PDS5B: variants seen among roughly 807,000 people sequenced by gnomAD.
The protein encoded by PDS5B is sister chromatid cohesion protein PDS5 homolog B.
Under a neutral mutation model 184.1 loss-of-function variants are expected in PDS5B, and 51 were observed. That is an observed-to-expected ratio of 0.28 (90% CI 0.22 to 0.35). The LOEUF is 0.35. Among genes scored for constraint, PDS5B ranks in the 10% least tolerant of loss-of-function variants. PDS5B has a pLI of 1.00. For synonymous variants in PDS5B, 566 were observed against 569.2 expected, an observed-to-expected ratio of 0.99 and a Z score of 0.08; for missense variants, 1,180 against 1,723.3, an observed-to-expected ratio of 0.68 and a Z score of 5.58.
chr13:32,770,305 T>C lies in PDS5B; in HGVS notation c.3809T>C (p.Leu1270Pro), dbSNP rs201437175. Reference sequence around the variant, plus strand: ...CAGCAGTGGCCTGAGGAAAAGAGGCTCAAAGAAGATATATTAGAAAATGAA... The same window carrying C: ...CAGCAGTGGCCTGAGGAAAAGAGGCCCAAAGAAGATATATTAGAAAATGAA... ...DEQQWPEEKR[L>P]KEDILENEDE... Residue 1270 changes from leucine to proline, a missense_variant, in exon 32 of 35, where the codon CTC becomes CCC. Leu to Pro is a moderately conservative substitution (Grantham distance 98). Coordinates refer to ENST00000315596, the MANE Select transcript of PDS5B (RefSeq NM_015032.4). 1.9e-5 allele frequency: 31 copies of C among 1,612,912 alleles called. No individual in the cohort carries two copies. The highest frequency in any genetic ancestry group is 3.3e-5 in the Admixed American group (2 of 59,880).
chr13:32,741,228 A>G, intron 22 of PDS5B, 80 bp downstream of exon 22: 4 of 790,612 alleles, frequency 5.1e-6, no homozygotes, highest in African/African-American at 1.8e-5. Context: ...TTCTATTTCT[A>G]TTGGAAAGAT....
intron 9 of PDS5B, among the ~76,000 whole-genome samples, chr13:32,677,846 G>C (rs530259480): frequency 6.6e-6 from 1 of 151,924 alleles, no homozygotes. Context: ...GAAAAATCTT[G>C]GATTCACTTT....
intron 19 of PDS5B, among the ~76,000 whole-genome samples, chr13:32,728,681 G>A (rs7325016): frequency 0.44 from 67,076 of 151,860 alleles, 15,213 homozygotes; most frequent in African/African-American, 0.49. Flanking sequence ...ACTTCCATGC[G>A]ATAAGCTGGG....
chr13:32,614,799 G>A (rs2058194322), intron 1 of PDS5B, among the ~76,000 whole-genome samples: 1 of 152,184 alleles, frequency 6.6e-6, no homozygotes, highest in South Asian at 2.1e-4. Flanking sequence ...GACTCCAAAT[G>A]TCAGGTTCTT....
At chr13:32,730,254 G>T (rs544071112) in intron 19 of PDS5B, among the ~76,000 whole-genome samples, 28 of 152,284 alleles carry the variant, frequency 1.8e-4, no homozygotes, top group African/African-American at 6.0e-4. Flanking sequence ...TCAGATGGTT[G>T]TAGATGTGTA....
chr13:32,699,912 C>T (rs369053967), intron 16 of PDS5B, 43 bp downstream of exon 16: 4 of 1,498,392 alleles, frequency 2.7e-6, no homozygotes, highest in South Asian at 1.4e-5. Context: ...GCCCCCAAAT[C>T]TTCTTTATTG....
In PDS5B at chr13:32,753,509, T is replaced by C; in HGVS notation, c.2914T>C (p.Tyr972His). ...GAAAAATATAAATGTAAGGCGGGAGTATCTGAAGCAGCATGCAGCTGTTAG... is the reference window on the plus strand; with the variant it reads ...GAAAAATATAAATGTAAGGCGGGAGCATCTGAAGCAGCATGCAGCTGTTAG... ...LVKNINVRRE[Y>H]LKQHAAVSEK... Residue 972 changes from tyrosine (Y) to histidine (H), a missense_variant, in exon 25 of 35, where the codon TAT becomes CAT. Physicochemically the swap from Tyr to His is moderately conservative, Grantham distance 83. This residue lies in a region of PDS5B where 57 missense variants were observed against 80.9 expected (regional missense o/e 0.70). Coordinates refer to ENST00000315596, the MANE Select transcript of PDS5B (RefSeq NM_015032.4). 6.2e-7 allele frequency: 1 copy of C among 1,613,252 alleles called. No homozygotes were observed. The highest frequency in any genetic ancestry group is 8.5e-7 in the Non-Finnish European group (1 of 1,179,444).
intron 1 of PDS5B, among the ~76,000 whole-genome samples, chr13:32,601,171 C>T (rs1287225429): frequency 6.6e-6 from 1 of 152,174 alleles, no homozygotes; most frequent in Non-Finnish European, 1.5e-5. Flanking sequence ...TCTACTTGCT[C>T]TTGATTGCTT....
chr13:32,657,896 C>G (rs2140694227), intron 3 of PDS5B, among the ~76,000 whole-genome samples: 1 of 152,250 alleles, frequency 6.6e-6, no homozygotes, highest in Non-Finnish European at 1.5e-5. Flanking sequence ...GAAACCTGAT[C>G]AGCTCTCAGT....
chr13:32,733,865 G>C (rs2140954886), intron 20 of PDS5B, among the ~76,000 whole-genome samples: 2 of 152,052 alleles, frequency 1.3e-5, no homozygotes, highest in Admixed American at 1.3e-4. Flanking sequence ...TCATATACAA[G>C]TAAGGGCATG....
rs570725481 is a variant in PDS5B, at chr13:32,747,381, CACAA to C, written c.2736+1285_2736+1288del. On this transcript the variant is annotated intron_variant, in intron 24 of 34. Transcript: ENST00000315596. ...TGCCACTTATGTATAACTCTCTAGA[CACAA>C]ACAGTCATCTATTTTTAAATTGTAA... Among the ~76,000 whole-genome samples, 394 of 152,094 alleles carry C rather than the reference CACAA, an allele frequency of 2.6e-3. 1 individual carries two copies. The highest frequency in any genetic ancestry group is 0.016 in the South Asian group (79 of 4,814).
intron 24 of PDS5B, among the ~76,000 whole-genome samples, chr13:32,752,318 C>T (rs957559026): frequency 1.6e-4 from 24 of 151,936 alleles, no homozygotes; most frequent in Middle Eastern, 3.2e-3. Context: ...TATAGAAAAA[C>T]GCGTAATATA....
intron 1 of PDS5B, among the ~76,000 whole-genome samples, chr13:32,643,431 C>T (rs1349360231): frequency 6.6e-6 from 1 of 152,034 alleles, no homozygotes; most frequent in Non-Finnish European, 1.5e-5. Context: ...GGTACAGTGT[C>T]CTTTTTAAAA....
chr13:32,679,120 A>G (rs565020088), intron 10 of PDS5B, among the ~76,000 whole-genome samples, 191 bp downstream of exon 10: 9 of 149,402 alleles, frequency 6.0e-5, no homozygotes, highest in African/African-American at 1.2e-4. Context: ...AGGTCTCGCT[A>G]TGTTGCCCAA....
At chr13:32,728,926 C>T (rs1436235431) in intron 19 of PDS5B, among the ~76,000 whole-genome samples, 2 of 152,038 alleles carry the variant, frequency 1.3e-5, no homozygotes, top group African/African-American at 4.8e-5. Context: ...ATTTATATGT[C>T]TTCTTTTTTA....
chr13:32,742,753 T>G, intron 23 of PDS5B, 26 bp downstream of exon 23: 1 of 1,599,188 alleles, frequency 6.3e-7, no homozygotes, highest in Non-Finnish European at 8.6e-7. Context: ...TTCACAGTTC[T>G]TTGGATTGCA....
At position 32,770,660 on chromosome 13, in the gene PDS5B, A is replaced by G. The variant is rs1293855359; in HGVS notation, c.4071A>G (p.Glu1357=). Residue 1357 remains glutamate (E), a synonymous_variant, in exon 33 of 35, where the codon GAA becomes GAG. Coordinates refer to ENST00000315596, the MANE Select transcript of PDS5B (RefSeq NM_015032.4). ...RVSRRAQQRA[E]SPESSAIEST... is the part of the protein sequence containing the mutation. ...TGGGTCTTCCCCAAAGCAGAGCAGAATCTCCTGAATCTAGTGCAATTGAAT... is the reference window on the plus strand; with the variant it reads ...TGGGTCTTCCCCAAAGCAGAGCAGAGTCTCCTGAATCTAGTGCAATTGAAT... 3 of 1,609,742 alleles carry G rather than the reference A, an allele frequency of 1.9e-6. No homozygotes were observed. Among genetic ancestry groups the G allele is most frequent in the African/African-American group, 1.3e-5 (1 of 74,668 alleles).
At chr13:32,593,667 A>G (rs921854584) in intron 1 of PDS5B, among the ~76,000 whole-genome samples, 1 of 152,236 alleles carries the variant, frequency 6.6e-6, no homozygotes, top group Non-Finnish European at 1.5e-5. Context: ...AAAGCAAGCT[A>G]GAGAGAAGAC....
chr13:32,711,823 T>C (rs949539321), intron 19 of PDS5B, among the ~76,000 whole-genome samples: 4 of 152,244 alleles, frequency 2.6e-5, no homozygotes, highest in African/African-American at 7.2e-5. Context: ...CCACTCATTA[T>C]GTATAAACTG....
Sources: gnomAD v4.1 joint callset for allele counts (sites outside exome capture counted in the v4.1 genomes callset) on GRCh38, gnomAD v4.1.1 for gene constraint, gnomAD v4.1.1 regional missense constraint, MANE v1.5 for transcripts, NCBI Gene and HGNC (gene_info 2026-07-23, HGNC 2026-07-21) for gene names.